SNTG2: variants seen among roughly 807,000 people sequenced by gnomAD.
SNTG2 encodes syntrophin gamma 2.
Under a neutral mutation model 70.9 loss-of-function variants are expected in SNTG2, and 74 were observed. The observed-to-expected ratio is 1.04, with a 90% confidence interval of 0.86 to 1.27. SNTG2 has a LOEUF of 1.27. SNTG2 is among the 50% of genes most tolerant of loss of function. The pLI is 0.00. For missense variants in SNTG2, 717 were observed against 690.7 expected (o/e 1.04, Z -0.43); for synonymous variants, 278 against 273.8 (o/e 1.02, Z -0.15).
chr2:1,003,257 A>G (rs1461008117), intron 1 of SNTG2, among the ~76,000 whole-genome samples: 1 of 152,160 alleles, frequency 6.6e-6, no homozygotes, highest in African/African-American at 2.4e-5. Context: ...ATTCAAAAAG[A>G]AAAAAATAAT....
At chr2:972,411 T>C (rs1243849829) in intron 1 of SNTG2, among the ~76,000 whole-genome samples, 2 of 152,212 alleles carry the variant, frequency 1.3e-5, no homozygotes, top group Admixed American at 1.3e-4. Flanking sequence ...TGATTGTCGT[T>C]GGTTTAAATT....
intron 8 of SNTG2, among the ~76,000 whole-genome samples, chr2:1,179,060 A>G (rs1268976805): frequency 6.6e-6 from 1 of 151,996 alleles, no homozygotes. Context: ...GAATTTATCC[A>G]TTTCTTCTAG....
intron 6 of SNTG2, among the ~76,000 whole-genome samples, chr2:1,165,029 G>A (rs4132573): frequency 0.022 from 3,290 of 152,320 alleles, 117 homozygotes; most frequent in African/African-American, 0.075. Context: ...GATTGTATGT[G>A]AGGTGACTGA....
chr2:1,040,530 G>A (rs1572277910), intron 1 of SNTG2, among the ~76,000 whole-genome samples: 1 of 152,304 alleles, frequency 6.6e-6, no homozygotes, highest in South Asian at 2.1e-4. Flanking sequence ...AGTCAGTAAA[G>A]TTCAGGGGTC....
chr2:1,117,426 G>A (rs111283711), intron 4 of SNTG2, among the ~76,000 whole-genome samples: 11 of 151,316 alleles, frequency 7.3e-5, no homozygotes, highest in Non-Finnish European at 1.2e-4. Context: ...TTTCTTTCTC[G>A]TTGAAATGAA....
intron 14 of SNTG2, among the ~76,000 whole-genome samples, chr2:1,300,960 C>G (rs1034403548): frequency 2.0e-5 from 3 of 152,130 alleles, no homozygotes; most frequent in African/African-American, 7.2e-5. Flanking sequence ...TAAGGGAACT[C>G]TAATTGATTG....
At position 1,048,732 on chromosome 2, in the gene SNTG2, T is replaced by A. The variant is rs528163565; in HGVS notation, c.73-34786T>A. Among the ~76,000 whole-genome samples, 5 of 152,340 alleles carry A rather than the reference T, an allele frequency of 3.3e-5. No homozygotes were observed. The East Asian group carries it at 9.6e-4, about 29-fold the overall frequency. On this transcript the variant is annotated intron_variant, in intron 1 of 16. Transcript: ENST00000308624. The stretch of plus-strand genomic sequence containing the variant: ...CTTGAATGTGCACATGTTCAGCTTT[T>A]GTAGAAACTGACAAGCAGTTTTCCA...
intron 14 of SNTG2, 29 bp downstream of exon 14, chr2:1,267,600 C>A: frequency 6.3e-7 from 1 of 1,594,532 alleles, no homozygotes; most frequent in Non-Finnish European, 8.6e-7. Context: ...CTCTTCTCAC[C>A]TACACCTGCT....
At chr2:1,299,605 A>G (rs144317367) in intron 14 of SNTG2, among the ~76,000 whole-genome samples, 1 of 152,230 alleles carries the variant, frequency 6.6e-6, no homozygotes, top group Non-Finnish European at 1.5e-5. Context: ...GCCTACTTCC[A>G]AATAAGATAC....
At chr2:1,010,693 T>C (rs1009754190) in intron 1 of SNTG2, among the ~76,000 whole-genome samples, 3 of 152,300 alleles carry the variant, frequency 2.0e-5, no homozygotes, top group South Asian at 2.1e-4. Context: ...AGAACGTGAT[T>C]GAAAGCCTGT....
intron 14 of SNTG2, among the ~76,000 whole-genome samples, chr2:1,298,930 C>A (rs1347072932): frequency 6.6e-6 from 1 of 152,188 alleles, no homozygotes; most frequent in African/African-American, 2.4e-5. Flanking sequence ...CTGGGTGCTT[C>A]CTGCCCTTGA....
chr2:1,193,198 C>T (rs2147945223), intron 8 of SNTG2, among the ~76,000 whole-genome samples: 1 of 152,314 alleles, frequency 6.6e-6, no homozygotes, highest in African/African-American at 2.4e-5. Context: ...AAAGTTGCTC[C>T]TTAAAATAGG....
chr2:1,267,719 G>A (rs377641784), intron 14 of SNTG2, 148 bp downstream of exon 14: 11 of 774,010 alleles, frequency 1.4e-5, no homozygotes, highest in South Asian at 5.3e-5. Flanking sequence ...GGAAATGATC[G>A]TTCGCACGGA....
chr2:1,185,389 T>C (rs1672183462), intron 8 of SNTG2, among the ~76,000 whole-genome samples: 1 of 152,182 alleles, frequency 6.6e-6, no homozygotes, highest in Non-Finnish European at 1.5e-5. Flanking sequence ...AGCATCCCAG[T>C]AGAGACTCTG....
At chr2:1,357,110 A>G (rs902729820) in intron 16 of SNTG2, among the ~76,000 whole-genome samples, 1 of 152,056 alleles carries the variant, frequency 6.6e-6, no homozygotes, top group Non-Finnish European at 1.5e-5. Context: ...GTTTCTACAG[A>G]GATAGTTTTA....
intron 8 of SNTG2, among the ~76,000 whole-genome samples, chr2:1,176,838 T>C (rs1010785819): frequency 5.3e-5 from 8 of 151,996 alleles, no homozygotes; most frequent in Admixed American, 5.2e-4. Flanking sequence ...AGTCAGATGA[T>C]GTCGAGGTTG....
chr2:973,598 C>T (rs1660816533), intron 1 of SNTG2, among the ~76,000 whole-genome samples: 1 of 151,522 alleles, frequency 6.6e-6, no homozygotes, highest in Non-Finnish European at 1.5e-5. Flanking sequence ...TTATTATTAA[C>T]TCTTTGAACA....
At chr2:1,080,618 A>G (rs947031368) in intron 1 of SNTG2, among the ~76,000 whole-genome samples, 44 of 127,200 alleles carry the variant, frequency 3.5e-4, no homozygotes, top group Non-Finnish European at 1.5e-4. Context: ...TGTGTGTTGC[A>G]TGTGTGTGTG....
intron 9 of SNTG2, among the ~76,000 whole-genome samples, chr2:1,221,959 C>T (rs1388054333): frequency 0.032 from 421 of 13,316 alleles, 135 homozygotes; most frequent in East Asian, 0.083. Context: ...CTGTCTCTGT[C>T]TCTCTCTGTC....
Sources: gnomAD v4.1 joint callset for allele counts (sites outside exome capture counted in the v4.1 genomes callset) on GRCh38, gnomAD v4.1.1 for gene constraint, MANE v1.5 for transcripts, NCBI Gene and HGNC (gene_info 2026-07-23, HGNC 2026-07-21) for gene names.